The following SRPK2 variants were observed in gnomAD, a reference collection of about 807,000 sequenced individuals.
SRPK2 encodes the protein SRSF protein kinase 2.
Under a neutral mutation model 90.8 loss-of-function variants are expected in SRPK2, and 21 were observed. The observed-to-expected ratio is 0.23, with a 90% CI of 0.16 to 0.33. The LOEUF (loss-of-function observed/expected upper bound fraction) is 0.33. Among genes scored for constraint, SRPK2 ranks in the 10% least tolerant of loss-of-function variants. SRPK2 has a pLI of 1.00. For synonymous variants in SRPK2, 288 were observed against 311.1 expected (o/e 0.93, Z 0.78); for missense variants, 620 against 869.0 (o/e 0.71, Z 3.60).
At chr7:105,343,037 A>G (rs1207238342) in intron 2 of SRPK2, among the ~76,000 whole-genome samples, 1 of 152,236 alleles carries the variant, frequency 6.6e-6, no homozygotes, top group Non-Finnish European at 1.5e-5. Flanking sequence ...CAAGTTAAAT[A>G]AAAGTTTGCA....
At chr7:105,152,747 T>A (rs900383410) in intron 7 of SRPK2, among the ~76,000 whole-genome samples, 26 of 152,108 alleles carry the variant, frequency 1.7e-4, no homozygotes, top group Non-Finnish European at 3.7e-4. Context: ...CCTAAAAACC[T>A]TAATACGGCT....
At chr7:105,305,987 C>T (rs533354025) in intron 2 of SRPK2, among the ~76,000 whole-genome samples, 1 of 152,268 alleles carries the variant, frequency 6.6e-6, no homozygotes, top group East Asian at 1.9e-4. Flanking sequence ...GGATAGCCTG[C>T]TTTTAGACAG....
chr7:105,369,108 T>A (rs1819411110), intron 2 of SRPK2, among the ~76,000 whole-genome samples: 1 of 145,496 alleles, frequency 6.9e-6, no homozygotes, highest in African/African-American at 2.6e-5. Context: ...CATAATAGAG[T>A]TCTACACAAG....
chr7:105,172,791 T>C (rs189110301), intron 3 of SRPK2, among the ~76,000 whole-genome samples: 14 of 152,356 alleles, frequency 9.2e-5, no homozygotes, highest in African/African-American at 3.4e-4. Flanking sequence ...ACATGGGATG[T>C]CTTAATTAAA....
intron 2 of SRPK2, among the ~76,000 whole-genome samples, chr7:105,300,254 CAAAAAAA>C (rs35542004): frequency 7.9e-5 from 6 of 76,280 alleles, no homozygotes; most frequent in Admixed American, 6.1e-4. Context: ...GACTCCATCT[CAAAAAAA>C]AAAAAAAAAA....
chr7:105,260,063 G>A (rs1347515967), intron 2 of SRPK2, among the ~76,000 whole-genome samples: 16 of 152,166 alleles, frequency 1.1e-4, no homozygotes, highest in Non-Finnish European at 2.4e-4. Context: ...AAGAGCTTCT[G>A]CACAGCAAAA....
At chr7:105,394,441 A>G (rs910957635) in intron 1 of SRPK2, among the ~76,000 whole-genome samples, 2 of 150,940 alleles carry the variant, frequency 1.3e-5, no homozygotes, top group African/African-American at 4.9e-5. Flanking sequence ...CGCCCAGCCA[A>G]TTTGTGGCCA....
At chr7:105,305,235 T>C (rs1169884682) in intron 2 of SRPK2, among the ~76,000 whole-genome samples, 2 of 151,208 alleles carry the variant, frequency 1.3e-5, no homozygotes. Context: ...AAGTCAAGAG[T>C]TCAAGGCCAG....
At chr7:105,118,065 C>A (rs769119526) in intron 15 of SRPK2, 43 bp from the exon 16 acceptor site, 9 of 1,601,166 alleles carry the variant, frequency 5.6e-6, no homozygotes, top group Admixed American at 1.7e-5. Flanking sequence ...AGCTCCAAAT[C>A]TGCATTCCCC....
chr7:105,258,342 G>A (rs570420751), intron 2 of SRPK2, among the ~76,000 whole-genome samples: 13 of 149,974 alleles, frequency 8.7e-5, no homozygotes, highest in Non-Finnish European at 1.8e-4. Flanking sequence ...GCTTGAACCC[G>A]GGAGGCAGAG....
intron 2 of SRPK2, among the ~76,000 whole-genome samples, chr7:105,215,803 G>GT (rs1402290529): frequency 1.3e-5 from 2 of 152,134 alleles, no homozygotes; most frequent in Non-Finnish European, 2.9e-5. Context: ...GAAACAGAAG[G>GT]TAGATCAGTA....
chr7:105,365,837 T>C (rs549740320), intron 2 of SRPK2, among the ~76,000 whole-genome samples: 2 of 151,444 alleles, frequency 1.3e-5, no homozygotes, highest in Admixed American at 6.6e-5. Flanking sequence ...GCAGATAGCC[T>C]TTCTCCTCAA....
At position 105,178,212 on chromosome 7, in the gene SRPK2, C is replaced by CTAA. The variant is rs541957119; in HGVS notation, c.230-8950_230-8948dup. The stretch of plus-strand genomic sequence containing the variant: ...AATTACATTCACCACAGCAAAAACA[C>CTAA]TAATAATAATAATACTAAATATAAA... On this transcript the variant is annotated intron_variant, in intron 3 of 15. Coordinates refer to ENST00000393651, the MANE Select transcript of SRPK2 (RefSeq NM_182692.3). Among the ~76,000 whole-genome samples the CTAA allele has an allele frequency of 5.0e-4, 76 of 151,914 alleles. No individual in the cohort carries two copies. The East Asian group carries it at 0.012, about 25-fold the overall frequency.
At chr7:105,166,029 A>C (rs546779513) in intron 6 of SRPK2, among the ~76,000 whole-genome samples, 195 of 152,322 alleles carry the variant, frequency 1.3e-3, no homozygotes, top group African/African-American at 4.5e-3. Context: ...AGTGAGACCA[A>C]GAACCCACCA....
chr7:105,349,599 C>T (rs987921247), intron 2 of SRPK2, among the ~76,000 whole-genome samples: 9 of 151,634 alleles, frequency 5.9e-5, no homozygotes, highest in Non-Finnish European at 8.8e-5. Context: ...ACCTTAATAT[C>T]CTATGTAATC....
At chr7:105,281,486 C>T (rs1807325967) in intron 2 of SRPK2, among the ~76,000 whole-genome samples, 1 of 152,112 alleles carries the variant, frequency 6.6e-6, no homozygotes, top group African/African-American at 2.4e-5. Flanking sequence ...GTTAAATTTG[C>T]TCAAGACTCC....
chr7:105,222,851 GGA>G (rs1391258204), intron 2 of SRPK2, among the ~76,000 whole-genome samples: 4 of 151,942 alleles, frequency 2.6e-5, no homozygotes, highest in Non-Finnish European at 5.9e-5. Flanking sequence ...GAACGACAGT[GGA>G]ATTAGCAGAG....
chr7:105,297,481 T>G, intron 2 of SRPK2: 1 of 985,450 alleles, frequency 1.0e-6, no homozygotes, highest in Non-Finnish European at 1.2e-6. Context: ...GGTGGCCATC[T>G]GGCCCCTCAG....
At chr7:105,168,745 A>ATGTGTGTGTGTGTGTGTGTGTG (rs58073613) in intron 4 of SRPK2, among the ~76,000 whole-genome samples, 5,703 of 103,954 alleles carry the variant, frequency 0.055, 546 homozygotes, top group Middle Eastern at 0.1. Flanking sequence ...CACGCACCAA[A>ATGTGTGTGTGTGTGTGTGTGTG]TGTGTGTGTG....
Sources: allele counts gnomAD v4.1 joint callset (sites outside exome capture counted in the v4.1 genomes callset), GRCh38; gene constraint gnomAD v4.1.1; transcripts MANE v1.5; gene names NCBI Gene and HGNC (gene_info 2026-07-23, HGNC 2026-07-21).